Variants in EFNB2 observed in about 807,000 individuals in gnomAD.
EFNB2 encodes ephrin-B2.
Under a neutral mutation model 32.1 loss-of-function variants are expected in EFNB2, and 5 were observed. The observed-to-expected ratio is 0.16, with a 90% CI of 0.08 to 0.33. EFNB2 has a LOEUF of 0.33. EFNB2 is among the 10% of genes least tolerant of loss of function. EFNB2 has a pLI of 1.00. For missense variants in EFNB2, 263 were observed against 422.6 expected (o/e 0.62, Z 3.31); for synonymous variants, 168 against 166.5 (o/e 1.01, Z -0.07).
intron 1 of EFNB2, among the ~76,000 whole-genome samples, chr13:106,522,086 A>G (rs1375848410): frequency 6.6e-6 from 1 of 152,106 alleles, no homozygotes; most frequent in Non-Finnish European, 1.5e-5. Context: ...ACCCCAAAAA[A>G]ATCAGCCTAT....
intron 2 of EFNB2, among the ~76,000 whole-genome samples, chr13:106,501,615 C>T (rs1265416586): frequency 2.8e-4 from 41 of 148,168 alleles, no homozygotes; most frequent in Non-Finnish European, 5.2e-4. Flanking sequence ...TTTTTTGAGA[C>T]GGAGTCTCGC....
chr13:106,508,221 ACT>A (rs527381869), intron 2 of EFNB2, among the ~76,000 whole-genome samples: 123 of 151,938 alleles, frequency 8.1e-4, no homozygotes, highest in Non-Finnish European at 1.5e-3. Flanking sequence ...TGCAAAGAAA[ACT>A]CTACGGATAA....
intron 2 of EFNB2, among the ~76,000 whole-genome samples, chr13:106,497,534 G>T (rs1054395857): frequency 6.6e-6 from 1 of 151,334 alleles, no homozygotes; most frequent in African/African-American, 2.4e-5. Context: ...TATTTAATGG[G>T]GCTATTAAAA....
chr13:106,501,669 C>T (rs1878785407), intron 2 of EFNB2, among the ~76,000 whole-genome samples: 2 of 151,774 alleles, frequency 1.3e-5, no homozygotes, highest in Non-Finnish European at 2.9e-5. Flanking sequence ...CTTGGCTCAC[C>T]ACAAGCTCTG....
At chr13:106,503,022 C>T (rs1338780844) in intron 2 of EFNB2, among the ~76,000 whole-genome samples, 2 of 152,310 alleles carry the variant, frequency 1.3e-5, no homozygotes, top group East Asian at 3.9e-4. Flanking sequence ...TCCCCCAACC[C>T]CCGACTTTTT....
rs745322698 is a variant in EFNB2, at chr13:106,512,572, G to C, written c.363C>G (p.Leu121=). 6.2e-7 allele frequency: 1 copy of C among 1,612,700 alleles called. No individual in the cohort carries two copies. The highest frequency in any genetic ancestry group is 1.1e-5 in the South Asian group (1 of 90,902). The change falls in exon 2 of 5, where the codon CTC becomes CTG. Residue 121 remains leucine, a synonymous_variant. Transcript: ENST00000646441. ...TGTTCTTCTGAAATTCTAGACCCCA[G>C]AGGTTAGGGCTGAATTCTTGAAACT... ...TIKFQEFSPN[L]WGLEFQKNKD...
chr13:106,496,551 A>C (rs1341050457), intron 2 of EFNB2, among the ~76,000 whole-genome samples: 1 of 152,184 alleles, frequency 6.6e-6, no homozygotes, highest in Non-Finnish European at 1.5e-5. Flanking sequence ...ACACATGCCC[A>C]CCACTCATTC....
At chr13:106,512,970 T>C (rs1879191618) in intron 1 of EFNB2, among the ~76,000 whole-genome samples, 158 bp from the exon 2 acceptor site, 1 of 152,168 alleles carries the variant, frequency 6.6e-6, no homozygotes, top group African/African-American at 2.4e-5. Flanking sequence ...CAATATGGGA[T>C]GAATGTATTT....
chr13:106,505,225 C>G (rs912231602), intron 2 of EFNB2, among the ~76,000 whole-genome samples: 5 of 152,214 alleles, frequency 3.3e-5, no homozygotes, highest in Non-Finnish European at 4.4e-5. Flanking sequence ...TGTACGTATA[C>G]TCTGCTGTCT....
At chr13:106,532,312 G>C (rs1173056508) in intron 1 of EFNB2, among the ~76,000 whole-genome samples, 1 of 152,136 alleles carries the variant, frequency 6.6e-6, no homozygotes, top group Non-Finnish European at 1.5e-5. Flanking sequence ...CATGCTCCCT[G>C]TGTCGACCAC....
rs186018857 is a variant in EFNB2, at chr13:106,511,481, T to C, written c.406+1048A>G. Among the ~76,000 whole-genome samples, 383 of 152,128 alleles carry C rather than the reference T, an allele frequency of 2.5e-3. 1 individual carries two copies. Among genetic ancestry groups the C allele is most frequent in the African/African-American group, 8.8e-3 (367 of 41,502 alleles). On this transcript the variant is annotated intron_variant, in intron 2 of 4. Coordinates refer to ENST00000646441, the MANE Select transcript of EFNB2 (RefSeq NM_004093.4). ...CGGCAACAAAGCTAGACCCTGTCTC[T>C]AAAAAAATAAAATAACAATAAAGTG...
chr13:106,495,885 C>T (rs1267382902), intron 2 of EFNB2, 45 bp from the exon 3 acceptor site: 1 of 1,565,478 alleles, frequency 6.4e-7, no homozygotes, highest in Admixed American at 1.8e-5. Context: ...AAAGAAAAAT[C>T]AGGAAATCAA....
rs1438916664 is a variant in EFNB2 at position 106,530,860 on chromosome 13, T to C, written c.122+3983A>G. The stretch of plus-strand genomic sequence containing the variant: ...AGTTGCAATGTCCATCTGAAGGCAA[T>C]TATCTCACTGATCCACCAACCGAAG... On this transcript the variant is annotated intron_variant, in intron 1 of 4. Coordinates refer to ENST00000646441, the MANE Select transcript of EFNB2 (RefSeq NM_004093.4). 2.0e-5 allele frequency among the ~76,000 whole-genome samples: 3 copies of C among 152,196 alleles called. No homozygotes were observed. The East Asian group carries it at 5.8e-4, about 29-fold the overall frequency.
At chr13:106,503,073 ATTAT>A (rs1878835451) in intron 2 of EFNB2, among the ~76,000 whole-genome samples, 1 of 152,150 alleles carries the variant, frequency 6.6e-6, no homozygotes, top group Non-Finnish European at 1.5e-5. Flanking sequence ...ACAACATAAG[ATTAT>A]TTATGGAGTT....
chr13:106,515,615 A>T (rs936802863), intron 1 of EFNB2, among the ~76,000 whole-genome samples: 11 of 152,226 alleles, frequency 7.2e-5, no homozygotes, highest in Non-Finnish European at 1.3e-4. Flanking sequence ...TAATTAAATC[A>T]ATACAAAAGG....
rs747541545 is a variant in EFNB2 at position 106,493,194 on chromosome 13, C to T, written c.848G>A (p.Gly283Asp). The change falls in exon 5 of 5, where the codon GGC becomes GAC. Residue 283 changes from glycine to aspartate, a missense_variant. Physicochemically the swap from Gly to Asp is moderately conservative, Grantham distance 94 (BLOSUM62 -1). Around this residue, in one of 3 missense-constraint regions of EFNB2, gnomAD observed 172 missense variants for 237.1 expected, o/e 0.73. Coordinates refer to ENST00000646441, the MANE Select transcript of EFNB2 (RefSeq NM_004093.4). This position sits in a 1 kb window ranked among gnomAD's most constrained non-coding sequence, Gnocchi z 6.1. ...GATGATAATGTCACTGGGCTCTGAG[C>T]CGTTGTTGTTGCCGCTGCGCTTGGG... ...ATPKRSGNNNGSEPSDIIIPL... is the reference protein window; with the variant it reads ...ATPKRSGNNNDSEPSDIIIPL... The T allele has an allele frequency of 5.0e-6, 8 of 1,614,070 alleles. No individual in the cohort carries two copies. The highest frequency in any genetic ancestry group is 2.2e-5 in the East Asian group (1 of 44,886).
rs1878499111 is a variant in EFNB2, at chr13:106,493,808, T to G, written c.614-380A>C. Among the ~76,000 whole-genome samples the G allele has an allele frequency of 1.3e-5, 2 of 152,208 alleles. No homozygotes were observed. Among genetic ancestry groups the G allele is most frequent in the Admixed American group, 1.3e-4 (2 of 15,284 alleles). ...TCAGCGGTGAGCGTTTATGTGGTAT[T>G]GCTCTTCCGCCTCCTTTGAGAAAGG... On this transcript the variant is annotated intron_variant, in intron 4 of 4. Transcript: ENST00000646441. This position sits in a 1 kb window ranked among gnomAD's most constrained non-coding sequence, Gnocchi z 6.1.
chr13:106,493,264 A>T lies in EFNB2; in HGVS notation c.778T>A (p.Ser260Thr), dbSNP rs755606363. 1.2e-6 allele frequency: 2 copies of T among 1,614,042 alleles called. No homozygotes were observed. The highest frequency in any genetic ancestry group is 2.7e-5 in the African/African-American group (2 of 74,910). ...LKYRRRHRKH[S>T]PQHTTTLSLS... is the part of the protein sequence containing the mutation. Reference sequence around the variant, plus strand: ...GACAGCGTGGTCGTGTGCTGCGGCGAGTGCTTCCTGTGTCTCCTCCGGTAC... The same window carrying T: ...GACAGCGTGGTCGTGTGCTGCGGCGTGTGCTTCCTGTGTCTCCTCCGGTAC... Residue 260 changes from serine to threonine, a missense_variant, in exon 5 of 5, where the codon TCG becomes ACG. Ser to Thr is a moderately conservative substitution (Grantham distance 58). Coordinates refer to ENST00000646441, the MANE Select transcript of EFNB2 (RefSeq NM_004093.4). The surrounding 1 kb of genome is among the most constrained non-coding windows in gnomAD (Gnocchi z 6.1).
At chr13:106,529,283 C>G (rs1360582164) in intron 1 of EFNB2, among the ~76,000 whole-genome samples, 1 of 152,160 alleles carries the variant, frequency 6.6e-6, no homozygotes, top group African/African-American at 2.4e-5. Context: ...CTGCCTGAAG[C>G]CCAAATAGAT....
Sources: gnomAD v4.1 joint callset for allele counts (sites outside exome capture counted in the v4.1 genomes callset) on GRCh38, gnomAD v4.1.1 for gene constraint, gnomAD v4.1.1 regional missense constraint, Gnocchi (gnomAD v3.1) non-coding constraint, MANE v1.5 for transcripts, NCBI Gene and HGNC (gene_info 2026-07-23, HGNC 2026-07-21) for gene names.